MRTFB: variants seen among roughly 807,000 people sequenced by gnomAD.
MRTFB encodes the protein myocardin-related transcription factor B.
In MRTFB, 29 loss-of-function variants were observed where a neutral mutation model predicts 104.2. That is an observed-to-expected ratio of 0.28 (90% confidence interval 0.21 to 0.38). The LOEUF (loss-of-function observed/expected upper bound fraction) is 0.38, where lower values mean the gene tolerates loss of function less well. Ranked by LOEUF, MRTFB falls within the 10% of genes least tolerant of loss-of-function variation. The pLI is 1.00. For missense variants in MRTFB, 1,270 were observed against 1,341.6 expected (o/e 0.95, Z 0.83); for synonymous variants, 535 against 519.5 (o/e 1.03, Z -0.41).
chr16:14,040,284 A>G, the MRTFB span, among the ~76,000 whole-genome samples: 1 of 152,220 alleles, frequency 6.6e-6, no homozygotes, highest in Admixed American at 6.5e-5. Context: ...TTTTATAACA[A>G]TAATAACTGA....
intron 2 of MRTFB, among the ~76,000 whole-genome samples, chr16:14,099,421 G>A (rs1275942471): frequency 1.3e-5 from 2 of 150,074 alleles, no homozygotes; most frequent in African/African-American, 4.9e-5. Flanking sequence ...TGTCACCCAG[G>A]CTGGAGTGCA....
chr16:14,053,415 T>G, the MRTFB span, among the ~76,000 whole-genome samples: 1 of 152,080 alleles, frequency 6.6e-6, no homozygotes, highest in Non-Finnish European at 1.5e-5. Context: ...TAGTGAGACC[T>G]TGACTCTACA....
At chr16:14,005,492 G>A in the MRTFB span, among the ~76,000 whole-genome samples, 2 of 152,290 alleles carry the variant, frequency 1.3e-5, no homozygotes, top group Admixed American at 1.3e-4. Flanking sequence ...CTAGTTTCAA[G>A]GAGCAGGTGG....
At chr16:14,137,202 AAAT>A (rs2037764814) in intron 2 of MRTFB, among the ~76,000 whole-genome samples, 1 of 152,198 alleles carries the variant, frequency 6.6e-6, no homozygotes, top group Non-Finnish European at 1.5e-5. Flanking sequence ...ACAGCTTGCA[AAAT>A]GTCAGAGTAG....
At chr16:14,070,626 A>T (rs191418102), upstream of MRTFB, among the ~76,000 whole-genome samples, 28 of 152,376 alleles carry the variant, frequency 1.8e-4, no homozygotes, top group African/African-American at 6.7e-4. Context: ...CGCCAGCTCC[A>T]TTGAAAACAG....
chr16:14,155,152 A>AT (rs1384808269), intron 3 of MRTFB, among the ~76,000 whole-genome samples: 1 of 150,558 alleles, frequency 6.6e-6, no homozygotes, highest in East Asian at 2.0e-4. Flanking sequence ...ACCTTGTTTA[A>AT]TTTTTTCCCA....
At chr16:14,106,547 A>C (rs778462685) in intron 2 of MRTFB, among the ~76,000 whole-genome samples, 2 of 152,180 alleles carry the variant, frequency 1.3e-5, no homozygotes, top group Non-Finnish European at 2.9e-5. Context: ...AGCCTCTCCA[A>C]ACCTCATGGG....
At chr16:14,197,391 T>C (rs2028266) in intron 3 of MRTFB, among the ~76,000 whole-genome samples, 4,075 of 152,296 alleles carry the variant, frequency 0.027, 69 homozygotes, top group Middle Eastern at 0.086. Flanking sequence ...TTTAGTCTTT[T>C]ACCCTTCAGA....
the MRTFB span, chr16:14,009,751 C>T: frequency 6.6e-6 from 1 of 152,138 alleles, no homozygotes; most frequent in Non-Finnish European, 1.5e-5. Context: ...CCCCCAACAA[C>T]GTGAGTTTTA....
At chr16:14,103,503 C>T (rs1162829150) in intron 2 of MRTFB, among the ~76,000 whole-genome samples, 1 of 152,130 alleles carries the variant, frequency 6.6e-6, no homozygotes, top group East Asian at 1.9e-4. Context: ...AGCCCTTGTG[C>T]CTTTACTCAG....
intron 3 of MRTFB, among the ~76,000 whole-genome samples, chr16:14,205,775 T>C (rs929807165): frequency 3.3e-5 from 5 of 152,234 alleles, no homozygotes; most frequent in Non-Finnish European, 5.9e-5. Flanking sequence ...TTTTCTTGCA[T>C]GATGGCCATG....
chr16:14,053,655 C>T, the MRTFB span, among the ~76,000 whole-genome samples: 1 of 149,826 alleles, frequency 6.7e-6, no homozygotes, highest in Non-Finnish European at 1.5e-5. Context: ...CACTTGAAAG[C>T]GGGAGGCAGA....
At chr16:14,041,475 T>C in the MRTFB span, among the ~76,000 whole-genome samples, 1 of 152,216 alleles carries the variant, frequency 6.6e-6, no homozygotes, top group Non-Finnish European at 1.5e-5. Flanking sequence ...CTCAGCATAA[T>C]GTTCATCCGT....
chr16:14,042,451 G>C, the MRTFB span, among the ~76,000 whole-genome samples: 1 of 152,134 alleles, frequency 6.6e-6, no homozygotes, highest in East Asian at 1.9e-4. Flanking sequence ...GTTTTTGATA[G>C]TGGCCATTCA....
intron 3 of MRTFB, among the ~76,000 whole-genome samples, chr16:14,150,335 A>G (rs1368523553): frequency 6.6e-6 from 1 of 152,220 alleles, no homozygotes; most frequent in Non-Finnish European, 1.5e-5. Context: ...AGAATGCAGT[A>G]TCGTTAACCC....
At chr16:14,137,110 C>T (rs1347583350) in intron 2 of MRTFB, among the ~76,000 whole-genome samples, 1 of 152,116 alleles carries the variant, frequency 6.6e-6, no homozygotes, top group Non-Finnish European at 1.5e-5. Context: ...GACGACTATA[C>T]AGAGAGTAGT....
At chr16:13,999,848 A>T in the MRTFB span, among the ~76,000 whole-genome samples, 1 of 152,198 alleles carries the variant, frequency 6.6e-6, no homozygotes, top group Non-Finnish European at 1.5e-5. Context: ...TTGCTGCATA[A>T]AGAGCCTATA....
chr16:14,087,392 G>C (rs183005558), intron 2 of MRTFB, among the ~76,000 whole-genome samples: 1 of 152,160 alleles, frequency 6.6e-6, no homozygotes, highest in Admixed American at 6.5e-5. Flanking sequence ...TTAGTGTTGC[G>C]GCATGCTGGA....
chr16:14,080,420 A>G (rs76408183), intron 2 of MRTFB, among the ~76,000 whole-genome samples: 2,339 of 152,300 alleles, frequency 0.015, 70 homozygotes, highest in African/African-American at 0.053. Context: ...AAGTATGTGT[A>G]TATTGTGGAA....
Sources: gnomAD v4.1 joint callset for allele counts (sites outside exome capture counted in the v4.1 genomes callset) on GRCh38, gnomAD v4.1.1 for gene constraint, MANE v1.5 for transcripts, NCBI Gene and HGNC (gene_info 2026-07-23, HGNC 2026-07-21) for gene names.